LRBA: variants seen among roughly 807,000 people sequenced by gnomAD.
LRBA encodes the protein lipopolysaccharide-responsive and beige-like anchor protein.
LRBA carries 176 observed loss-of-function variants against 330.0 expected under a neutral mutation model. That is an observed-to-expected ratio of 0.53 (90% CI 0.47 to 0.60). The LOEUF (loss-of-function observed/expected upper bound fraction) is 0.60. LRBA is among the 20% of genes least tolerant of loss of function. LRBA has a pLI of 0.00. For synonymous variants in LRBA, 1,230 were observed against 1,193.0 expected (o/e 1.03, Z -0.64); for missense variants, 3,259 against 3,444.8 (o/e 0.95, Z 1.35).
rs1023091799 is a variant in LRBA at position 150,774,390 on chromosome 4, C to T, written c.5581-12543G>A. Among the ~76,000 whole-genome samples, 39 of 152,110 alleles carry T rather than the reference C, an allele frequency of 2.6e-4. 1 individual carries two copies. The highest frequency in any genetic ancestry group is 4.2e-4 in the South Asian group (2 of 4,808). On this transcript the variant is annotated intron_variant, in intron 34 of 56. Coordinates refer to ENST00000651943, the MANE Select transcript of LRBA (RefSeq NM_001364905.1). ...AGACCAGGACTCCTTTTGTCTTCTTCGCTCCCCAAGGACTGGTTTATTAAC... is the reference window on the plus strand; with the variant it reads ...AGACCAGGACTCCTTTTGTCTTCTTTGCTCCCCAAGGACTGGTTTATTAAC...
In LRBA at chr4:150,871,372, T is replaced by C. The variant is rs79392371; in HGVS notation, c.2340A>G (p.Thr780=). Reference sequence around the variant, plus strand: ...CAAACAGCACATTATATGTGGTCATTGTGATTAAATTTGTCTGAAGCATGA... The same window carrying C: ...CAAACAGCACATTATATGTGGTCATCGTGATTAAATTTGTCTGAAGCATGA... The part of the protein sequence containing the change: ...ERLMLQTNLI[T]MTTYNVLFEI... The change falls in exon 19 of 57, where the codon ACA becomes ACG. Residue 780 remains threonine (T), a synonymous_variant. Transcript: ENST00000651943. The C allele has an allele frequency of 2.3e-3, 3,643 of 1,610,266 alleles. 8 individuals are homozygous for C. Among genetic ancestry groups the C allele is most frequent in the Non-Finnish European group, 3.0e-3 (3,516 of 1,176,784 alleles).
intron 47 of LRBA, among the ~76,000 whole-genome samples, chr4:150,398,757 GATGGAA>G (rs1745082664): frequency 6.6e-6 from 1 of 151,956 alleles, no homozygotes; most frequent in Non-Finnish European, 1.5e-5. Flanking sequence ...CTCCCATGTA[GATGGAA>G]CTACCGGCAT....
intron 2 of LRBA, among the ~76,000 whole-genome samples, chr4:151,002,401 CT>C (rs1299274342): frequency 1.3e-5 from 2 of 151,206 alleles, no homozygotes; most frequent in African/African-American, 4.9e-5. Context: ...ACCCCCCCCA[CT>C]AAAAATACAA....
At chr4:150,268,274 G>A (rs1745627018) in intron 56 of LRBA, among the ~76,000 whole-genome samples, 1 of 152,080 alleles carries the variant, frequency 6.6e-6, no homozygotes, top group African/African-American at 2.4e-5. Flanking sequence ...TGAAGAGATT[G>A]AATCAGTAAT....
In LRBA at chr4:150,908,672, T is replaced by C. The variant is rs1201208; in HGVS notation, c.1347A>G (p.Ala449=). ...TCACAGTTAGTACCTGGAGCATGAG[T>C]GCATGTGGTGAATGAACAAAAATTG... The part of the protein sequence containing the change: ...NPSIFVHSPH[A]LMLQDVKAVL... Residue 449 remains alanine (A), a synonymous_variant, in exon 10 of 57, where the codon GCA becomes GCG. Transcript: ENST00000651943. 117,723 of 1,612,554 alleles carry C rather than the reference T, an allele frequency of 0.073. 7,598 individuals are homozygous for C. Among genetic ancestry groups the C allele is most frequent in the South Asian group, 0.25 (22,966 of 90,978 alleles).
At chr4:150,750,913 TA>T (rs34872494) in intron 35 of LRBA, among the ~76,000 whole-genome samples, 22,684 of 137,340 alleles carry the variant, frequency 0.17, 3,700 homozygotes, top group African/African-American at 0.43. Context: ...GAAAAATCTT[TA>T]AAAAAAAAAA....
chr4:150,915,476 C>T, intron 8 of LRBA, 132 bp downstream of exon 8: 1 of 729,820 alleles, frequency 1.4e-6, no homozygotes, highest in Non-Finnish European at 2.1e-6. Context: ...ACATGCTAGC[C>T]AAATTATGTT....
At chr4:150,507,574 A>G (rs1283930162) in intron 40 of LRBA, among the ~76,000 whole-genome samples, 5 of 152,186 alleles carry the variant, frequency 3.3e-5, no homozygotes, top group Non-Finnish European at 7.4e-5. Flanking sequence ...TACAAAAATT[A>G]ATTCAAGATG....
intron 36 of LRBA, among the ~76,000 whole-genome samples, chr4:150,695,217 AG>A (rs1784520272): frequency 6.6e-6 from 1 of 152,366 alleles, no homozygotes; most frequent in Admixed American, 6.5e-5. Context: ...AGCAAAGGAT[AG>A]GGTTGAAACC....
intron 40 of LRBA, among the ~76,000 whole-genome samples, chr4:150,520,176 G>A (rs1170529774): frequency 6.6e-6 from 1 of 152,062 alleles, no homozygotes; most frequent in African/African-American, 2.4e-5. Context: ...TTTTCTAGAA[G>A]TCTCTTGTTC....
intron 36 of LRBA, among the ~76,000 whole-genome samples, chr4:150,725,258 T>C (rs900918884): frequency 6.6e-6 from 1 of 151,910 alleles, no homozygotes; most frequent in Non-Finnish European, 1.5e-5. Context: ...AAGAAGCTTA[T>C]AGAACAGCAA....
At chr4:150,348,824 G>C (rs1357392752) in intron 48 of LRBA, among the ~76,000 whole-genome samples, 2 of 152,136 alleles carry the variant, frequency 1.3e-5, no homozygotes, top group Non-Finnish European at 2.9e-5. Context: ...ACTATGCAGT[G>C]TTTTGTAACA....
intron 16 of LRBA, among the ~76,000 whole-genome samples, chr4:150,894,204 TAA>T (rs1445825494): frequency 6.6e-6 from 1 of 152,206 alleles, no homozygotes; most frequent in Non-Finnish European, 1.5e-5. Context: ...GTGGTAGGGC[TAA>T]GATATTATGT....
At chr4:150,401,488 G>A (rs911384599) in intron 47 of LRBA, among the ~76,000 whole-genome samples, 2 of 152,070 alleles carry the variant, frequency 1.3e-5, no homozygotes, top group African/African-American at 4.8e-5. Flanking sequence ...GTTAAGTGAG[G>A]ACTTACTATA....
chr4:150,633,837 G>A (rs1404915827), intron 37 of LRBA, among the ~76,000 whole-genome samples: 3 of 152,114 alleles, frequency 2.0e-5, no homozygotes, highest in African/African-American at 2.4e-5. Flanking sequence ...TCTGCTGGTC[G>A]GATGCGGTGG....
At chr4:150,631,585 C>T (rs1440139045) in intron 37 of LRBA, among the ~76,000 whole-genome samples, 1 of 152,156 alleles carries the variant, frequency 6.6e-6, no homozygotes, top group Non-Finnish European at 1.5e-5. Flanking sequence ...AATGTACCAG[C>T]AATATACTCT....
intron 36 of LRBA, among the ~76,000 whole-genome samples, chr4:150,732,311 C>T (rs926081535): frequency 1.3e-5 from 2 of 151,880 alleles, no homozygotes; most frequent in Non-Finnish European, 2.9e-5. Flanking sequence ...TAGGATTACT[C>T]GGTAAATGGG....
rs1483101048 is a variant in LRBA, at chr4:150,647,529, G to A, written c.5921+36022C>T. On this transcript the variant is annotated intron_variant, in intron 37 of 56. Coordinates refer to ENST00000651943, the MANE Select transcript of LRBA (RefSeq NM_001364905.1). ...GCATACCAACACACCTAGTAGCAGG[G>A]ACCACAGGTGCATACCAACATACCC... 2.0e-5 allele frequency among the ~76,000 whole-genome samples: 3 copies of A among 150,626 alleles called. No individual in the cohort carries two copies. In the Admixed American group the frequency reaches 2.1e-4, roughly 10 times the overall value.
chr4:150,288,014 C>T (rs186600617), intron 53 of LRBA, among the ~76,000 whole-genome samples: 6 of 147,112 alleles, frequency 4.1e-5, no homozygotes, highest in South Asian at 2.1e-4. Flanking sequence ...TTTTCTGAGA[C>T]GGAGTCTCAC....
Sources: allele counts gnomAD v4.1 joint callset (sites outside exome capture counted in the v4.1 genomes callset), GRCh38; gene constraint gnomAD v4.1.1; transcripts MANE v1.5; gene names NCBI Gene and HGNC (gene_info 2026-07-23, HGNC 2026-07-21).